TRPC1: variants seen among roughly 807,000 people sequenced by gnomAD.
TRPC1 encodes short transient receptor potential channel 1.
A neutral mutation model predicts 88.2 loss-of-function variants in TRPC1; 42 were observed. That is an observed-to-expected ratio of 0.48 (90% CI 0.37 to 0.62). The LOEUF is 0.62. Ranked by LOEUF, TRPC1 falls within the 20% of genes least tolerant of loss-of-function variation. The pLI is 0.00. For synonymous variants in TRPC1, 288 were observed against 331.8 expected (o/e 0.87, Z 1.43); for missense variants, 699 against 957.3 (o/e 0.73, Z 3.56).
chr3:142,749,546 C>T (rs1560098624), intron 4 of TRPC1, among the ~76,000 whole-genome samples: 1 of 152,014 alleles, frequency 6.6e-6, no homozygotes, highest in African/African-American at 2.4e-5. Context: ...TATTGATCAT[C>T]CTAGGCTTAA....
intron 4 of TRPC1, among the ~76,000 whole-genome samples, chr3:142,757,167 A>G (rs1266363723): frequency 2.0e-5 from 3 of 152,188 alleles, no homozygotes; most frequent in Admixed American, 1.3e-4. Context: ...ACTATTGTGT[A>G]CAATGCTGCA....
chr3:142,763,033 T>C (rs1335058023), intron 4 of TRPC1, among the ~76,000 whole-genome samples: 2 of 152,202 alleles, frequency 1.3e-5, no homozygotes, highest in Non-Finnish European at 2.9e-5. Context: ...TCAGAAAAGA[T>C]ACTTGTGATT....
At position 142,806,302 on chromosome 3, in the gene TRPC1, G is replaced by T. The variant is rs1348848643; in HGVS notation, c.*67G>T. ...TCCAAAAGACTATATTGCATAACTT[G>T]CAATGAAATTAATGAGATATATATT... On this transcript the variant is annotated 3_prime_UTR_variant, in exon 13 of 13. Transcript: ENST00000476941. 1 of 1,214,222 alleles carries T rather than the reference G, an allele frequency of 8.2e-7. No homozygotes were observed. Among genetic ancestry groups the T allele is most frequent in the African/African-American group, 1.5e-5 (1 of 65,140 alleles). 75.2% of individuals were successfully genotyped at this position (1,214,222 alleles called of 1,614,324 possible).
intron 1 of TRPC1, among the ~76,000 whole-genome samples, chr3:142,732,684 A>C (rs906511910): frequency 6.6e-6 from 1 of 152,320 alleles, no homozygotes; most frequent in East Asian, 1.9e-4. Context: ...GAATTGATTG[A>C]AAATGGTTTC....
intron 4 of TRPC1, among the ~76,000 whole-genome samples, chr3:142,750,593 T>C (rs1222470236): frequency 1.3e-5 from 2 of 152,076 alleles, no homozygotes; most frequent in East Asian, 1.9e-4. Context: ...ATAAATCATT[T>C]TACTATAAAG....
chr3:142,760,708 G>A (rs1351901253), intron 4 of TRPC1, among the ~76,000 whole-genome samples: 5 of 152,046 alleles, frequency 3.3e-5, no homozygotes, highest in Non-Finnish European at 4.4e-5. Flanking sequence ...CTTCCAGTAC[G>A]TGAGCATGGA....
In TRPC1 at chr3:142,757,206, G is replaced by A. The variant is rs72988625; in HGVS notation, c.632+8746G>A. Among the ~76,000 whole-genome samples, 3 of 148,412 alleles carry A rather than the reference G, an allele frequency of 2.0e-5. No homozygotes were observed. The East Asian group carries it at 5.9e-4, about 29-fold the overall frequency. Reference sequence around the variant, plus strand: ...AACATGGGAATGCAGATGTTTCTTGGCTATATTGATTTCCTTTCTTTTGGA... The same window carrying A: ...AACATGGGAATGCAGATGTTTCTTGACTATATTGATTTCCTTTCTTTTGGA... On this transcript the variant is annotated intron_variant, in intron 4 of 12. Coordinates refer to ENST00000476941, the MANE Select transcript of TRPC1 (RefSeq NM_001251845.2).
intron 7 of TRPC1, 134 bp from the exon 8 acceptor site, chr3:142,790,885 T>G: frequency 2.8e-6 from 2 of 702,144 alleles, no homozygotes; most frequent in South Asian, 6.7e-5. Context: ...CACTAAAATG[T>G]TTTTGGTTTT....
chr3:142,724,868 G>A lies in TRPC1; in HGVS notation c.172+137G>A. On this transcript the variant is annotated intron_variant, in intron 1 of 12. Coordinates refer to ENST00000476941, the MANE Select transcript of TRPC1 (RefSeq NM_001251845.2). The surrounding 1 kb of genome is among the most constrained non-coding windows in gnomAD (Gnocchi z 5.6). ...CTTCCCGCCTCGCCTGCTGCCTCAGGCGGTCTTCTCCTCACCGCCTCTGCC... is the reference window on the plus strand; with the variant it reads ...CTTCCCGCCTCGCCTGCTGCCTCAGACGGTCTTCTCCTCACCGCCTCTGCC... The A allele has an allele frequency of 9.3e-7, 1 of 1,079,834 alleles. No homozygotes were observed. The highest frequency in any genetic ancestry group is 1.2e-6 in the Non-Finnish European group (1 of 802,050). 66.9% of individuals were successfully genotyped at this position (1,079,834 alleles called of 1,614,324 possible). A position where few individuals can be genotyped will look rare whatever the true frequency, so the allele number is the denominator to read the frequency against.
intron 1 of TRPC1, among the ~76,000 whole-genome samples, chr3:142,732,106 A>C (rs1933944079): frequency 6.6e-6 from 1 of 152,212 alleles, no homozygotes; most frequent in Non-Finnish European, 1.5e-5. Context: ...AAGTAATATA[A>C]GTTGCAATAG....
At chr3:142,752,031 T>C (rs1934782116) in intron 4 of TRPC1, among the ~76,000 whole-genome samples, 1 of 137,102 alleles carries the variant, frequency 7.3e-6, no homozygotes, top group Admixed American at 7.4e-5. Flanking sequence ...TTAAAATCCT[T>C]TATTAGTATT....
chr3:142,804,272 A>G, intron 11 of TRPC1, 94 bp downstream of exon 11: 1 of 1,226,208 alleles, frequency 8.2e-7, no homozygotes, highest in Admixed American at 2.8e-5. Context: ...GATTATAAGA[A>G]TTGAAAAATA....
At position 142,807,284 on chromosome 3, in the gene TRPC1, A is replaced by AAAG. The variant is rs1936822876; in HGVS notation, c.*1050_*1052dup. On this transcript the variant is annotated 3_prime_UTR_variant, in exon 13 of 13. Transcript: ENST00000476941. ...TCCATAATTTAACACAGCTTCTATAAAAGTGACTTCATGCTTACTTGTGGA... is the reference window on the plus strand; with the variant it reads ...TCCATAATTTAACACAGCTTCTATAAAAGAAGTGACTTCATGCTTACTTGTGGA... 6.6e-6 allele frequency: 1 copy of AAAG among 152,208 alleles called. No homozygotes were observed. Among genetic ancestry groups the AAAG allele is most frequent in the African/African-American group, 2.4e-5 (1 of 41,460 alleles). 9.4% of individuals were successfully genotyped at this position (152,208 alleles called of 1,614,324 possible). A position where few individuals can be genotyped will look rare whatever the true frequency, so the allele number is the denominator to read the frequency against.
At position 142,785,025 on chromosome 3, in the gene TRPC1, A is replaced by C. The variant is rs373014223; in HGVS notation, c.1282A>C (p.Ile428Leu). ...PALERIDYLL[I>L]LWIIGMIWSD... ...CCTTGAAAGAATAGACTATCTTCTT[A>C]TTCTGTGGATTATTGGTAAGTATCA... The change falls in exon 7 of 13, where the codon ATT (isoleucine) becomes CTT (leucine). Residue 428 changes from isoleucine (I) to leucine (L), a missense_variant. Transcript: ENST00000476941. 2.5e-6 allele frequency: 4 copies of C among 1,602,472 alleles called. No individual in the cohort carries two copies. Among genetic ancestry groups the C allele is most frequent in the African/African-American group, 2.7e-5 (2 of 74,418 alleles).
chr3:142,756,661 G>T (rs1464566618), intron 4 of TRPC1, among the ~76,000 whole-genome samples: 4 of 151,938 alleles, frequency 2.6e-5, no homozygotes, highest in African/African-American at 9.7e-5. Context: ...ACCAGGCCCT[G>T]GTATGATGGT....
intron 1 of TRPC1, among the ~76,000 whole-genome samples, chr3:142,730,620 TC>T (rs1388635122): frequency 4.0e-4 from 60 of 150,964 alleles, no homozygotes; most frequent in African/African-American, 1.4e-3. Context: ...TTTTTTTTTT[TC>T]CTTTTTAAAA....
At chr3:142,786,475 T>TA (rs1490445895) in intron 7 of TRPC1, among the ~76,000 whole-genome samples, 1 of 152,184 alleles carries the variant, frequency 6.6e-6, no homozygotes, top group Non-Finnish European at 1.5e-5. Context: ...ATTAGGTAGA[T>TA]AAAATAATAC....
intron 4 of TRPC1, among the ~76,000 whole-genome samples, chr3:142,753,194 G>T (rs2108056091): frequency 6.6e-6 from 1 of 152,282 alleles, no homozygotes; most frequent in Non-Finnish European, 1.5e-5. Flanking sequence ...GAGGTTGGGG[G>T]ACAAACTTGT....
chr3:142,738,081 A>G (rs767253358), intron 2 of TRPC1, among the ~76,000 whole-genome samples: 3 of 152,220 alleles, frequency 2.0e-5, no homozygotes, highest in Non-Finnish European at 2.9e-5. Context: ...TGGTGCTTTC[A>G]TATACTTGAT....
Sources: allele counts gnomAD v4.1 joint callset (sites outside exome capture counted in the v4.1 genomes callset), GRCh38; gene constraint gnomAD v4.1.1; non-coding constraint Gnocchi (gnomAD v3.1); transcripts MANE v1.5; gene names NCBI Gene and HGNC (gene_info 2026-07-23, HGNC 2026-07-21).